Variants in RASGRF1 observed in about 807,000 individuals in gnomAD.
RASGRF1 encodes ras-specific guanine nucleotide-releasing factor 1.
Under a neutral mutation model 138.7 loss-of-function variants are expected in RASGRF1, and 40 were observed. The observed-to-expected ratio is 0.29, with a 90% confidence interval of 0.22 to 0.38. RASGRF1 has a LOEUF of 0.38. Ranked by LOEUF, RASGRF1 falls within the 10% of genes least tolerant of loss-of-function variation. RASGRF1 has a pLI of 1.00. For synonymous variants in RASGRF1, 614 were observed against 663.2 expected, an observed-to-expected ratio of 0.93 and a Z score of 1.14; for missense variants, 1,108 against 1,650.4, an observed-to-expected ratio of 0.67 and a Z score of 5.69.
intron 13 of RASGRF1, among the ~76,000 whole-genome samples, chr15:79,007,619 A>C (rs1346975200): frequency 2.1e-5 from 3 of 142,666 alleles, no homozygotes; most frequent in Middle Eastern, 3.9e-3. Flanking sequence ...TGGTGTGATC[A>C]TGGCTCACTG....
intron 8 of RASGRF1, 95 bp downstream of exon 8, chr15:79,031,305 T>A: frequency 1.0e-6 from 1 of 957,598 alleles, no homozygotes; most frequent in African/African-American, 1.6e-5. Context: ...CCATCTGAAC[T>A]CAAGCTTTGT....
chr15:79,005,441 T>C (rs1473490844), intron 14 of RASGRF1: 1 of 985,358 alleles, frequency 1.0e-6, no homozygotes, highest in Non-Finnish European at 1.2e-6. Flanking sequence ...TGGGATGGGC[T>C]GTCCACAACT....
intron 13 of RASGRF1, among the ~76,000 whole-genome samples, chr15:79,009,057 T>C (rs1242777788): frequency 1.3e-5 from 2 of 152,168 alleles, no homozygotes; most frequent in African/African-American, 4.8e-5. Flanking sequence ...AACCTTGATG[T>C]GATTCTGCTT....
chr15:78,981,811 A>G (rs1042233665), intron 23 of RASGRF1: 3 of 152,280 alleles, frequency 2.0e-5, no homozygotes, highest in Non-Finnish European at 4.4e-5. Context: ...AATAGCACAC[A>G]CCACACGGAG....
At position 78,961,976 on chromosome 15, in the gene RASGRF1, C is replaced by T. The variant is rs542054076; in HGVS notation, c.*168G>A. On this transcript the variant is annotated 3_prime_UTR_variant, in exon 27 of 27. Transcript: ENST00000558480. ...AGGGATGGGTGGGCGAAGTCTGAAA[C>T]GGTGCAGAAATTCATATTCCGGTTC... 20 of 588,838 alleles carry T rather than the reference C, an allele frequency of 3.4e-5. No individual in the cohort carries two copies. The highest frequency in any genetic ancestry group is 2.7e-4 in the Admixed American group (9 of 33,744). 36.5% of individuals were successfully genotyped at this position (588,838 alleles called of 1,614,324 possible).
rs565509791 is a variant in RASGRF1, at chr15:78,989,304, G to T, written c.3216+885C>A. Among the ~76,000 whole-genome samples the T allele has an allele frequency of 2.6e-5, 4 of 152,256 alleles. No homozygotes were observed. In the East Asian group the frequency reaches 5.8e-4, roughly 22 times the overall value. ...TGCCAGGCCAGTTTGCAGGTCCAGTGCTTGGTCCCATCTCAACAGTTCTTC... is the reference window on the plus strand; with the variant it reads ...TGCCAGGCCAGTTTGCAGGTCCAGTTCTTGGTCCCATCTCAACAGTTCTTC... On this transcript the variant is annotated intron_variant, in intron 22 of 26. Transcript: ENST00000558480.
rs913777659 is a variant in RASGRF1 at position 79,061,418 on chromosome 15, A to ATATATATG, written c.384-2938_384-2937insCATATATA. 8.2e-5 allele frequency among the ~76,000 whole-genome samples: 12 copies of ATATATATG among 145,624 alleles called. 1 individual carries two copies. The highest frequency in any genetic ancestry group is 1.5e-4 in the Non-Finnish European group (10 of 66,408). On this transcript the variant is annotated intron_variant, in intron 2 of 26. Transcript: ENST00000558480. The stretch of plus-strand genomic sequence containing the variant: ...AATTAGAACACTATCTTTAAAATAT[A>ATATATATG]TATATATATATATCATTCATTTTTA...
At position 78,991,674 on chromosome 15, in the gene RASGRF1, G is replaced by A; in HGVS notation, c.3131+17C>T. 6.2e-7 allele frequency: 1 copy of A among 1,600,166 alleles called. No individual in the cohort carries two copies. Among genetic ancestry groups the A allele is most frequent in the Non-Finnish European group, 8.6e-7 (1 of 1,167,270 alleles). ...CTGAGGAAGCGGGGGGAGGCGGGTG[G>A]TGCCTGCAACACTTACTCATAAGGA... On this transcript the variant is annotated intron_variant, in intron 21 of 26. Coordinates refer to ENST00000558480, the MANE Select transcript of RASGRF1 (RefSeq NM_001145648.3).
chr15:78,979,324 G>A (rs191492355), intron 24 of RASGRF1: 3 of 645,516 alleles, frequency 4.6e-6, no homozygotes, highest in Non-Finnish European at 6.7e-6. Flanking sequence ...TGGCAGAGGG[G>A]TGAGCAGTCT....
At chr15:78,984,943 G>A in intron 23 of RASGRF1, 64 bp downstream of exon 23, 1 of 1,543,646 alleles carries the variant, frequency 6.5e-7, no homozygotes, top group Non-Finnish European at 8.9e-7. Flanking sequence ...CCAGCCCACG[G>A]GTCTTCCTGC....
chr15:79,006,012 G>A lies in RASGRF1; in HGVS notation c.2075+174C>T, dbSNP rs916075611. Among the ~76,000 whole-genome samples the A allele has an allele frequency of 1.3e-5, 2 of 152,196 alleles. No homozygotes were observed. Among genetic ancestry groups the A allele is most frequent in the African/African-American group, 4.8e-5 (2 of 41,436 alleles). ...CTGTCCCTGCCTCTCTGCAGAGGGA[G>A]GCTTGGTTCCTGGGGAGAGGGGGCA... is the stretch of plus-strand genomic sequence containing the variant. On this transcript the variant is annotated intron_variant, in intron 14 of 26. Coordinates refer to ENST00000558480, the MANE Select transcript of RASGRF1 (RefSeq NM_001145648.3). This position sits in a 1 kb window ranked among gnomAD's most constrained non-coding sequence, Gnocchi z 4.0.
Position 78,980,780 on chromosome 15 carries a change from C to A in RASGRF1, c.3415-81G>T, listed in dbSNP as rs115595042. On this transcript the variant is annotated intron_variant, in intron 23 of 26. Transcript: ENST00000558480. ...CCCGGGGATCAGGCCCACACTCCAACATGCTGCCCAACAGGGCTCCAGAAT... is the reference window on the plus strand; with the variant it reads ...CCCGGGGATCAGGCCCACACTCCAAAATGCTGCCCAACAGGGCTCCAGAAT... 2.1e-3 allele frequency: 2,207 copies of A among 1,073,054 alleles called. 28 individuals are homozygous for A. The African/African-American group carries it at 0.031, about 15-fold the overall frequency. 66.5% of individuals were successfully genotyped at this position (1,073,054 alleles called of 1,614,324 possible).
intron 22 of RASGRF1, among the ~76,000 whole-genome samples, chr15:78,988,882 G>A (rs8024521): frequency 0.19 from 26,804 of 138,618 alleles, 3,095 homozygotes; most frequent in African/African-American, 0.35. Flanking sequence ...TTTGCACTGT[G>A]TAGCAATGGA....
At chr15:79,074,262 G>T (rs1293761606) in intron 1 of RASGRF1, among the ~76,000 whole-genome samples, 1 of 152,242 alleles carries the variant, frequency 6.6e-6, no homozygotes, top group Non-Finnish European at 1.5e-5. Flanking sequence ...GCTTCAAGGG[G>T]AACTGATAAG....
At chr15:79,077,147 G>A (rs2057843660) in intron 1 of RASGRF1, among the ~76,000 whole-genome samples, 1 of 152,092 alleles carries the variant, frequency 6.6e-6, no homozygotes, top group Non-Finnish European at 1.5e-5. Flanking sequence ...TTCATTTTTT[G>A]GGAAGATCTA....
chr15:79,076,663 G>C (rs934969040), intron 1 of RASGRF1, among the ~76,000 whole-genome samples: 1 of 152,220 alleles, frequency 6.6e-6, no homozygotes, highest in Non-Finnish European at 1.5e-5. Context: ...ATCAAGTGGT[G>C]GGGGCAAGGC....
chr15:79,048,076 T>C (rs1348395895), intron 4 of RASGRF1, among the ~76,000 whole-genome samples: 1 of 152,188 alleles, frequency 6.6e-6, no homozygotes, highest in Non-Finnish European at 1.5e-5. Flanking sequence ...TCAGCTAGCC[T>C]TTAACAAAAT....
At chr15:79,044,180 C>G (rs2057330321) in intron 5 of RASGRF1, among the ~76,000 whole-genome samples, 1 of 152,234 alleles carries the variant, frequency 6.6e-6, no homozygotes, top group Admixed American at 6.5e-5. Context: ...TGCGACAGAC[C>G]TGACCATGAC....
chr15:78,980,752 A>C, intron 23 of RASGRF1, 53 bp from the exon 24 acceptor site: 1 of 1,376,592 alleles, frequency 7.3e-7, no homozygotes, highest in Non-Finnish European at 1.0e-6. Flanking sequence ...GTGATCCCCG[A>C]GGCCCGGGGA....
Sources: allele counts gnomAD v4.1 joint callset (sites outside exome capture counted in the v4.1 genomes callset), GRCh38; gene constraint gnomAD v4.1.1; non-coding constraint Gnocchi (gnomAD v3.1); transcripts MANE v1.5; gene names NCBI Gene and HGNC (gene_info 2026-07-23, HGNC 2026-07-21).